The following SMCO4 variants were observed in gnomAD, a reference collection of about 807,000 sequenced individuals.
SMCO4 encodes the protein single-pass membrane protein with coiled-coil domains 4.
In SMCO4, 4 loss-of-function variants were observed where a neutral mutation model predicts 3.6. The observed-to-expected ratio is 1.11, with a 90% CI of 0.54 to 2.53. The LOEUF (loss-of-function observed/expected upper bound fraction) is 2.53, where lower values mean the gene tolerates loss of function less well. SMCO4 is among the 30% of genes most tolerant of loss of function. The pLI is 0.02. For missense variants in SMCO4, 70 were observed against 80.8 expected (o/e 0.87, Z 0.51); for synonymous variants, 36 against 35.3 (o/e 1.02, Z -0.07).
intron 2 of SMCO4, chr11:93,481,331 T>C (rs886261160): frequency 1.6e-6 from 1 of 609,352 alleles, no homozygotes; most frequent in Non-Finnish European, 2.1e-6. Context: ...AGGGACGCGG[T>C]ACAGGTGGGC....
chr11:93,490,686 C>G (rs1250298426), intron 2 of SMCO4, among the ~76,000 whole-genome samples: 1 of 152,206 alleles, frequency 6.6e-6, no homozygotes, highest in East Asian at 1.9e-4. Flanking sequence ...TGTGGAAACA[C>G]TACCTCCAGA....
chr11:93,498,695 A>G (rs992783642), intron 2 of SMCO4, among the ~76,000 whole-genome samples: 1 of 152,250 alleles, frequency 6.6e-6, no homozygotes, highest in Non-Finnish European at 1.5e-5. Flanking sequence ...GGAATTTCGG[A>G]TGAATGCTCA....
chr11:93,537,955 C>T (rs1591331479), intron 1 of SMCO4: 1 of 152,526 alleles, frequency 6.6e-6, no homozygotes, highest in East Asian at 1.9e-4. Context: ...CAGAATCTGA[C>T]CACCTGACCT....
chr11:93,518,672 A>G (rs775640228), intron 1 of SMCO4, among the ~76,000 whole-genome samples: 2 of 152,260 alleles, frequency 1.3e-5, no homozygotes, highest in Non-Finnish European at 2.9e-5. Context: ...GAAGAAATCC[A>G]AACAGTACAC....
intron 1 of SMCO4, chr11:93,523,270 C>A (rs1466949612): frequency 6.6e-6 from 1 of 152,192 alleles, no homozygotes; most frequent in Non-Finnish European, 1.5e-5. Context: ...GAGCTGTGAT[C>A]ACGCCACTGC....
intron 1 of SMCO4, among the ~76,000 whole-genome samples, chr11:93,523,902 C>T (rs1174023580): frequency 1.3e-5 from 2 of 152,126 alleles, no homozygotes; most frequent in African/African-American, 2.4e-5. Context: ...TATATCAGCA[C>T]CCCATTCCAA....
At chr11:93,538,884 T>G (rs1949250155) in intron 1 of SMCO4, among the ~76,000 whole-genome samples, 1 of 152,176 alleles carries the variant, frequency 6.6e-6, no homozygotes, top group Admixed American at 6.5e-5. Flanking sequence ...CTTGCTTCAC[T>G]TCAAAACTCC....
At chr11:93,494,065 C>G (rs1225872529) in intron 2 of SMCO4, among the ~76,000 whole-genome samples, 1 of 152,146 alleles carries the variant, frequency 6.6e-6, no homozygotes, top group Non-Finnish European at 1.5e-5. Flanking sequence ...CTTTGTCAAG[C>G]CTTAAGTAAT....
intron 1 of SMCO4, among the ~76,000 whole-genome samples, chr11:93,526,658 G>C (rs1013324089): frequency 6.6e-6 from 1 of 152,096 alleles, no homozygotes; most frequent in African/African-American, 2.4e-5. Context: ...CTGTTCTCAC[G>C]CACCATTGTA....
intron 1 of SMCO4, among the ~76,000 whole-genome samples, chr11:93,522,505 T>C (rs1243028522): frequency 6.6e-6 from 1 of 152,222 alleles, no homozygotes; most frequent in Non-Finnish European, 1.5e-5. Context: ...CCTGCTACCA[T>C]GTTAAGTGAT....
intron 1 of SMCO4, among the ~76,000 whole-genome samples, chr11:93,528,066 T>C (rs1425113825): frequency 2.0e-5 from 3 of 151,908 alleles, no homozygotes; most frequent in Non-Finnish European, 2.9e-5. Context: ...TAATTATCAT[T>C]AATAATTTTA....
the SMCO4 span, among the ~76,000 whole-genome samples, chr11:93,550,066 T>G: frequency 6.6e-6 from 1 of 152,226 alleles, no homozygotes; most frequent in African/African-American, 2.4e-5. Context: ...CAAATCTTCA[T>G]GCTTACTGCC....
intron 1 of SMCO4, among the ~76,000 whole-genome samples, chr11:93,522,709 AGTCTGATGAGAGAGT>A (rs890480200): frequency 2.6e-5 from 4 of 152,366 alleles, no homozygotes; most frequent in East Asian, 1.9e-4. Flanking sequence ...TAAGTCTGGG[AGTCTGATGAGAGAGT>A]GTCTGATGAG....
chr11:93,501,257 A>G (rs1450097596), intron 1 of SMCO4, among the ~76,000 whole-genome samples: 2 of 152,186 alleles, frequency 1.3e-5, no homozygotes, highest in Non-Finnish European at 2.9e-5. Context: ...CAATATGAGA[A>G]AGAGAGAGCC....
chr11:93,519,203 T>C (rs1404116379), intron 1 of SMCO4, among the ~76,000 whole-genome samples: 2 of 152,190 alleles, frequency 1.3e-5, no homozygotes, highest in African/African-American at 4.8e-5. Flanking sequence ...GTAATGATCT[T>C]AACCAGGAGG....
chr11:93,552,328 TG>T, the SMCO4 span, among the ~76,000 whole-genome samples: 2 of 151,044 alleles, frequency 1.3e-5, no homozygotes, highest in Non-Finnish European at 3.0e-5. Context: ...TTAGTAGAGA[TG>T]GGGTTTCACC....
rs1280979826 is a variant in SMCO4 at position 93,478,938 on chromosome 11, GC to G, written c.*71del. The G allele has an allele frequency of 6.6e-7, 1 of 1,519,254 alleles. No homozygotes were observed. The highest frequency in any genetic ancestry group is 1.4e-5 in the African/African-American group (1 of 72,936). 94.1% of individuals were successfully genotyped at this position (1,519,254 alleles called of 1,614,324 possible). On this transcript the variant is annotated 3_prime_UTR_variant, in exon 3 of 3. Transcript: ENST00000298966. Reference sequence around the variant, plus strand: ...AACATGAACATCTCTGAATATGAAAGCCATTTTTTGTTTGCGTCCCCCTCCC... The same window carrying G: ...AACATGAACATCTCTGAATATGAAAGCATTTTTTGTTTGCGTCCCCCTCCC...
chr11:93,487,793 C>T (rs866494417), intron 2 of SMCO4, among the ~76,000 whole-genome samples: 1 of 152,204 alleles, frequency 6.6e-6, no homozygotes, highest in African/African-American at 2.4e-5. Context: ...AAGTGCATGT[C>T]AGGGTTTCAG....
rs148705772 is a variant in SMCO4 at position 93,510,154 on chromosome 11, A to C, written c.-153-10806T>G. Among the ~76,000 whole-genome samples, 213 of 152,332 alleles carry C rather than the reference A, an allele frequency of 1.4e-3. 2 individuals carry two copies. The East Asian group carries it at 0.035, about 25-fold the overall frequency. On this transcript the variant is annotated intron_variant, in intron 1 of 2. Coordinates refer to ENST00000298966, the MANE Select transcript of SMCO4 (RefSeq NM_020179.3). Reference sequence around the variant, plus strand: ...GTTGGTGTGAGCATCATGGACTCTGAGTACAGGTCTGGTGAAGGGCAGATG... The same window carrying C: ...GTTGGTGTGAGCATCATGGACTCTGCGTACAGGTCTGGTGAAGGGCAGATG...
Sources: gnomAD v4.1 joint callset for allele counts (sites outside exome capture counted in the v4.1 genomes callset) on GRCh38, gnomAD v4.1.1 for gene constraint, MANE v1.5 for transcripts, NCBI Gene and HGNC (gene_info 2026-07-23, HGNC 2026-07-21) for gene names.